Variants in C8orf34 observed in about 807,000 individuals in gnomAD.
C8orf34 encodes the protein uncharacterized protein C8orf34.
A neutral mutation model predicts 68.3 loss-of-function variants in C8orf34; 65 were observed. The observed-to-expected ratio is 0.95, with a 90% confidence interval of 0.78 to 1.17. The LOEUF is 1.17. Ranked by LOEUF, C8orf34 falls within the 50% of genes most tolerant of loss-of-function variation. C8orf34 has a pLI of 0.00. For missense variants in C8orf34, 664 were observed against 655.4 expected (o/e 1.01, Z -0.14); for synonymous variants, 244 against 241.2 (o/e 1.01, Z -0.11).
At chr8:68,777,807 T>A (rs747695953) in intron 11 of C8orf34, among the ~76,000 whole-genome samples, 1 of 152,228 alleles carries the variant, frequency 6.6e-6, no homozygotes, top group Non-Finnish European at 1.5e-5. Context: ...AACCTTTATT[T>A]ATAAATTTAT....
At chr8:68,484,884 T>G (rs1261222100) in intron 4 of C8orf34, among the ~76,000 whole-genome samples, 1 of 152,244 alleles carries the variant, frequency 6.6e-6, no homozygotes, top group East Asian at 1.9e-4. Flanking sequence ...GGAGATTTAT[T>G]TGGATAATTT....
chr8:68,686,159 AC>A, intron 8 of C8orf34, among the ~76,000 whole-genome samples: 1 of 151,946 alleles, frequency 6.6e-6, no homozygotes, highest in South Asian at 2.1e-4. Flanking sequence ...ACCACCAACA[AC>A]AGAAAAGCCC....
chr8:68,534,504 T>G (rs1034139913), intron 7 of C8orf34: 2 of 630,588 alleles, frequency 3.2e-6, no homozygotes, highest in African/African-American at 2.0e-5. Flanking sequence ...CTGCGCTAAT[T>G]GGATGAAGCA....
chr8:68,360,312 CA>C (rs1296372469), intron 1 of C8orf34, among the ~76,000 whole-genome samples: 2 of 152,144 alleles, frequency 1.3e-5, no homozygotes, highest in Non-Finnish European at 2.9e-5. Context: ...TTGACCATTC[CA>C]AACAGTGATA....
intron 8 of C8orf34, among the ~76,000 whole-genome samples, chr8:68,659,903 G>C (rs1332576263): frequency 5.9e-5 from 9 of 152,012 alleles, no homozygotes; most frequent in Admixed American, 5.2e-4. Context: ...CTTTGAAAAG[G>C]ATCTAAGACA....
chr8:68,739,648 T>C (rs191221634), intron 10 of C8orf34, among the ~76,000 whole-genome samples: 7 of 152,196 alleles, frequency 4.6e-5, no homozygotes, highest in Admixed American at 3.9e-4. Context: ...TCAGTGTCAT[T>C]AAAATAGCTC....
chr8:68,397,384 C>T (rs1420310511), intron 1 of C8orf34, among the ~76,000 whole-genome samples: 2 of 152,132 alleles, frequency 1.3e-5, no homozygotes, highest in African/African-American at 2.4e-5. Context: ...GCTATCCTAA[C>T]TAGGCTCCCA....
At chr8:68,751,639 T>C (rs1822712383) in intron 10 of C8orf34, among the ~76,000 whole-genome samples, 2 of 152,264 alleles carry the variant, frequency 1.3e-5, no homozygotes, top group South Asian at 4.1e-4. Flanking sequence ...GGTTAGGATT[T>C]ATTTGAAATA....
chr8:68,763,676 A>G (rs2129528123), intron 10 of C8orf34, among the ~76,000 whole-genome samples: 1 of 152,296 alleles, frequency 6.6e-6, no homozygotes, highest in Admixed American at 6.5e-5. Context: ...TGTTACAAAA[A>G]GTCTTTGTCT....
intron 4 of C8orf34, among the ~76,000 whole-genome samples, chr8:68,486,065 T>A (rs1813066027): frequency 6.6e-6 from 1 of 152,202 alleles, no homozygotes; most frequent in Admixed American, 6.5e-5. Context: ...GAATGTGACA[T>A]AAGCCATTTA....
chr8:68,538,053 C>CACCTATTGGAAAATTTTA (rs1415100776), intron 7 of C8orf34, among the ~76,000 whole-genome samples: 4 of 152,102 alleles, frequency 2.6e-5, no homozygotes, highest in Non-Finnish European at 5.9e-5. Context: ...TGCCTTTTAT[C>CACCTATTGGAAAATTTTA]TCAATTATAC....
chr8:68,442,928 GGTGATAATGA>G (rs1381042232), intron 2 of C8orf34, among the ~76,000 whole-genome samples: 1 of 152,178 alleles, frequency 6.6e-6, no homozygotes, highest in Non-Finnish European at 1.5e-5. Flanking sequence ...GCAAAAAGAT[GGTGATAATGA>G]GTGATAATGA....
intron 3 of C8orf34, among the ~76,000 whole-genome samples, chr8:68,468,177 A>G (rs1479470865): frequency 6.6e-6 from 1 of 151,928 alleles, no homozygotes; most frequent in East Asian, 1.9e-4. Flanking sequence ...ATATATTGCT[A>G]TTTCTTGCCT....
At chr8:68,730,309 T>G (rs988020698) in intron 10 of C8orf34, among the ~76,000 whole-genome samples, 4 of 152,148 alleles carry the variant, frequency 2.6e-5, no homozygotes, top group African/African-American at 9.6e-5. Flanking sequence ...TGCTCAGTCC[T>G]AAAGGTTTTT....
In C8orf34 at chr8:68,447,540, C is replaced by T. The variant is rs377208238; in HGVS notation, c.607+1080C>T. 7 of 152,190 alleles carry T rather than the reference C, an allele frequency of 4.6e-5. No individual in the cohort carries two copies. The East Asian group carries it at 1.2e-3, about 25-fold the overall frequency. The allele number at this position is 152,190 out of a possible 1,614,324, so 9.4% of individuals were successfully genotyped here. A position where few individuals can be genotyped will look rare whatever the true frequency, so the allele number is the denominator to read the frequency against. On this transcript the variant is annotated intron_variant, in intron 3 of 13. Coordinates refer to ENST00000518698, the MANE Select transcript of C8orf34 (RefSeq NM_052958.4). Reference sequence around the variant, plus strand: ...GAACTTGCAAGCTGTTCTTCTTATACATCAATTCCTTGTGCTTGTTACAGG... The same window carrying T: ...GAACTTGCAAGCTGTTCTTCTTATATATCAATTCCTTGTGCTTGTTACAGG...
chr8:68,545,377 T>C (rs1815841236), intron 7 of C8orf34, among the ~76,000 whole-genome samples: 2 of 152,138 alleles, frequency 1.3e-5, no homozygotes, highest in Admixed American at 1.3e-4. Flanking sequence ...TTTTTTCTTT[T>C]TATAAATTAC....
At position 68,681,611 on chromosome 8, in the gene C8orf34, G is replaced by A. The variant is rs181684279; in HGVS notation, c.1242-27383G>A. Among the ~76,000 whole-genome samples, 313 of 152,170 alleles carry A rather than the reference G, an allele frequency of 2.1e-3. 5 individuals are homozygous for A. The highest frequency in any genetic ancestry group is 0.014 in the Admixed American group (212 of 15,280). ...ATGGAGAACAGTTTGGAAGTTCCTC[G>A]AAAAACTAAAAATAAAACTACCAAG... On this transcript the variant is annotated intron_variant, in intron 8 of 13. Coordinates refer to ENST00000518698, the MANE Select transcript of C8orf34 (RefSeq NM_052958.4).
At chr8:68,502,169 G>A (rs909512185) in intron 5 of C8orf34, among the ~76,000 whole-genome samples, 2 of 152,128 alleles carry the variant, frequency 1.3e-5, no homozygotes, top group Non-Finnish European at 2.9e-5. Flanking sequence ...AGGTTCAAGC[G>A]ATTCTCCTGC....
chr8:68,423,366 A>G (rs921735459), intron 1 of C8orf34, among the ~76,000 whole-genome samples: 5 of 152,182 alleles, frequency 3.3e-5, no homozygotes, highest in Non-Finnish European at 7.3e-5. Context: ...CCTCTTTGCC[A>G]AAGCATAGCA....
Sources: allele counts gnomAD v4.1 joint callset (sites outside exome capture counted in the v4.1 genomes callset), GRCh38; gene constraint gnomAD v4.1.1; transcripts MANE v1.5; gene names NCBI Gene and HGNC (gene_info 2026-07-23, HGNC 2026-07-21).